The following ZC3H18 variants were observed in gnomAD, a reference collection of about 807,000 sequenced individuals.
ZC3H18 encodes the protein zinc finger CCCH domain-containing protein 18.
Under a neutral mutation model 106.1 loss-of-function variants are expected in ZC3H18, and 8 were observed. The observed-to-expected ratio is 0.08, with a 90% CI of 0.04 to 0.14. ZC3H18 has a LOEUF of 0.14. Ranked by LOEUF, ZC3H18 falls within the 10% of genes least tolerant of loss-of-function variation. The pLI is 1.00. For missense variants in ZC3H18, 1,318 were observed against 1,278.4 expected, an observed-to-expected ratio of 1.03 and a Z score of -0.47; for synonymous variants, 635 against 522.1, an observed-to-expected ratio of 1.22 and a Z score of -2.95.
chr16:88,588,410 T>C (rs1915559923), intron 3 of ZC3H18, among the ~76,000 whole-genome samples: 1 of 152,208 alleles, frequency 6.6e-6, no homozygotes, highest in Admixed American at 6.5e-5. Flanking sequence ...GCAGGGAGAC[T>C]CTGGACCAGG....
chr16:88,586,832 G>A, intron 3 of ZC3H18, 148 bp downstream of exon 3: 1 of 643,554 alleles, frequency 1.6e-6, no homozygotes, highest in African/African-American at 1.8e-5. Context: ...TGGTGGTGGT[G>A]GTGGTGGCAA....
intron 8 of ZC3H18, among the ~76,000 whole-genome samples, chr16:88,616,756 C>G (rs143814887): frequency 6.6e-6 from 1 of 152,206 alleles, no homozygotes; most frequent in Non-Finnish European, 1.5e-5. Context: ...GAAAATGACA[C>G]AGTTTTACCC....
intron 16 of ZC3H18, among the ~76,000 whole-genome samples, chr16:88,629,995 G>A (rs1018536414): frequency 1.1e-4 from 16 of 152,366 alleles, no homozygotes; most frequent in Admixed American, 6.5e-5. Context: ...GCCCTTGCCT[G>A]GGGTTGGAAC....
intron 15 of ZC3H18, 110 bp downstream of exon 15, chr16:88,628,229 G>A: frequency 3.2e-6 from 4 of 1,258,574 alleles, no homozygotes; most frequent in Non-Finnish European, 3.3e-6. Context: ...GGCGAGTGGG[G>A]CCTTGCAGGT....
At chr16:88,609,785 G>C (rs1473595328) in intron 7 of ZC3H18, among the ~76,000 whole-genome samples, 1 of 133,032 alleles carries the variant, frequency 7.5e-6, no homozygotes, top group Non-Finnish European at 1.7e-5. Flanking sequence ...ATTTTTAGTA[G>C]AGACAGGGTT....
intron 10 of ZC3H18, 168 bp from the exon 11 acceptor site, chr16:88,623,790 G>C: frequency 7.7e-7 from 1 of 1,291,542 alleles, no homozygotes; most frequent in East Asian, 2.6e-5. Flanking sequence ...TCTACTCTGG[G>C]CCTGTGTTTT....
At chr16:88,572,473 C>A (rs1914470558) in intron 1 of ZC3H18, among the ~76,000 whole-genome samples, 1 of 151,924 alleles carries the variant, frequency 6.6e-6, no homozygotes, top group African/African-American at 2.4e-5. Flanking sequence ...ATGTATTCAA[C>A]AAATATCTAT....
At chr16:88,613,353 G>A (rs550576793) in intron 8 of ZC3H18, among the ~76,000 whole-genome samples, 1 of 152,194 alleles carries the variant, frequency 6.6e-6, no homozygotes, top group East Asian at 1.9e-4. Flanking sequence ...TTTTTCTTGA[G>A]CATATACCTC....
rs958173710 is a variant in ZC3H18 at position 88,611,182 on chromosome 16, T to A, written c.1207-86T>A. The A allele has an allele frequency of 3.6e-5, 25 of 696,438 alleles. 1 individual carries two copies. The South Asian group carries it at 3.9e-4, about 11-fold the overall frequency. The allele number at this position is 696,438 out of a possible 1,614,324, so 43.1% of individuals were successfully genotyped here. ...GGTGTGATTCTGTGACACAGACAGATCGCGTGGTGTTGGAGCCAAGGCTTT... is the reference window on the plus strand; with the variant it reads ...GGTGTGATTCTGTGACACAGACAGAACGCGTGGTGTTGGAGCCAAGGCTTT... On this transcript the variant is annotated intron_variant, in intron 7 of 17. Coordinates refer to ENST00000301011, the MANE Select transcript of ZC3H18 (RefSeq NM_144604.4).
intron 11 of ZC3H18, 35 bp from the exon 12 acceptor site, chr16:88,624,567 C>T: frequency 6.2e-7 from 1 of 1,612,788 alleles, no homozygotes; most frequent in Non-Finnish European, 8.5e-7. Flanking sequence ...CCCCGTCCAC[C>T]AGCCCTGCCC....
Position 88,631,453 on chromosome 16 carries a change from A to G in ZC3H18, c.*154A>G, listed in dbSNP as rs900510744. The G allele has an allele frequency of 3.9e-5, 41 of 1,051,308 alleles. No homozygotes were observed. The African/African-American group carries it at 5.4e-4, about 14-fold the overall frequency. 65.1% of individuals were successfully genotyped at this position (1,051,308 alleles called of 1,614,324 possible). A position where few individuals can be genotyped will look rare whatever the true frequency, so the allele number is the denominator to read the frequency against. ...AGCTGGAAAAGAAGCCACACAGGAA[A>G]TGACAACGACGCTGAATCCCAGCCT... is the stretch of plus-strand genomic sequence containing the variant. On this transcript the variant is annotated 3_prime_UTR_variant, in exon 18 of 18. Coordinates refer to ENST00000301011, the MANE Select transcript of ZC3H18 (RefSeq NM_144604.4).
intron 12 of ZC3H18, 24 bp downstream of exon 12, chr16:88,624,769 C>T: frequency 1.3e-6 from 2 of 1,593,644 alleles, no homozygotes; most frequent in Non-Finnish European, 1.7e-6. Context: ...CGTCCGGGGC[C>T]CTCAGGCTTT....
At chr16:88,592,870 T>A (rs9921832) in intron 3 of ZC3H18, among the ~76,000 whole-genome samples, 136,555 of 152,276 alleles carry the variant, frequency 0.9, 61,383 homozygotes, top group East Asian at 0.95. Context: ...CTTACACTTG[T>A]GTACAGATGT....
intron 2 of ZC3H18, among the ~76,000 whole-genome samples, chr16:88,582,055 G>A (rs1206055713): frequency 6.6e-6 from 1 of 152,082 alleles, no homozygotes; most frequent in Non-Finnish European, 1.5e-5. Context: ...CATTTGTAGG[G>A]TGGCCTCCTA....
chr16:88,598,766 T>A lies in ZC3H18; in HGVS notation c.930+54T>A, dbSNP rs1258582909. The A allele has an allele frequency of 4.6e-6, 7 of 1,533,770 alleles. No homozygotes were observed. In the Admixed American group the frequency reaches 1.3e-4, roughly 29 times the overall value. ...AAGAAAGATGCTATTACAGGAGTGG[T>A]TCTTGACAAAACTGGGATTTCCTCG... On this transcript the variant is annotated intron_variant, in intron 5 of 17. Transcript: ENST00000301011.
At chr16:88,585,085 C>T (rs2142575951) in intron 2 of ZC3H18, among the ~76,000 whole-genome samples, 1 of 152,230 alleles carries the variant, frequency 6.6e-6, no homozygotes, top group Admixed American at 6.5e-5. Context: ...AACTAAAAGA[C>T]CAGAGAAGAG....
chr16:88,583,481 C>G (rs1292225584), intron 2 of ZC3H18, among the ~76,000 whole-genome samples: 1 of 152,246 alleles, frequency 6.6e-6, no homozygotes, highest in Non-Finnish European at 1.5e-5. Flanking sequence ...CTTTGCAGAT[C>G]AGGTGACTTT....
intron 4 of ZC3H18, 139 bp from the exon 5 acceptor site, chr16:88,598,481 G>A (rs564353517): frequency 4.9e-5 from 71 of 1,457,556 alleles, no homozygotes; most frequent in Non-Finnish European, 6.2e-5. Flanking sequence ...TCGGCTTTCC[G>A]AGGACGGAGT....
rs201642835 is a variant in ZC3H18 at position 88,623,198 on chromosome 16, G to A, written c.1668-21G>A. The stretch of plus-strand genomic sequence containing the variant: ...GAGGGCCCTTCTCACTTCTCGCCAC[G>A]CTCCGTCCCGCCCGCCCCAGGTCGT... On this transcript the variant is annotated intron_variant, in intron 9 of 17. Transcript: ENST00000301011. 4.5e-5 allele frequency: 73 copies of A among 1,608,814 alleles called. No homozygotes were observed. In the African/African-American group the frequency reaches 4.8e-4, roughly 11 times the overall value.
Sources: gnomAD v4.1 joint callset for allele counts (sites outside exome capture counted in the v4.1 genomes callset) on GRCh38, gnomAD v4.1.1 for gene constraint, MANE v1.5 for transcripts, NCBI Gene and HGNC (gene_info 2026-07-23, HGNC 2026-07-21) for gene names.